The following PCDH15 variants were observed in gnomAD, a reference collection of about 807,000 sequenced individuals.
The protein encoded by PCDH15 is protocadherin related 15.
Under a neutral mutation model 178.5 loss-of-function variants are expected in PCDH15, and 129 were observed. That is an observed-to-expected ratio of 0.72 (90% CI 0.63 to 0.84). The LOEUF is 0.84. PCDH15 is among the 40% of genes least tolerant of loss of function. PCDH15 has a pLI of 0.00. For missense variants in PCDH15, 2,230 were observed against 2,099.9 expected, an observed-to-expected ratio of 1.06 and a Z score of -1.21; for synonymous variants, 800 against 732.0, an observed-to-expected ratio of 1.09 and a Z score of -1.50.
intron 2 of PCDH15, among the ~76,000 whole-genome samples, chr10:55,049,680 C>T (rs1841108831): frequency 6.6e-6 from 1 of 151,902 alleles, no homozygotes; most frequent in Non-Finnish European, 1.5e-5. Context: ...GACGTGGTGA[C>T]TGTACAGGTT....
chr10:55,309,091 C>G (rs957128145), intron 1 of PCDH15, among the ~76,000 whole-genome samples: 6 of 152,182 alleles, frequency 3.9e-5, no homozygotes, highest in Non-Finnish European at 7.4e-5. Context: ...CATATTTCAC[C>G]TTTCCAACTA....
At chr10:54,421,816 G>GTATATATATATATATATATA (rs71185272) in intron 3 of PCDH15, among the ~76,000 whole-genome samples, 3 of 107,988 alleles carry the variant, frequency 2.8e-5, no homozygotes, top group African/African-American at 1.2e-4. Flanking sequence ...TGTAGTGTGT[G>GTATATATATATATATATATA]TATATATATA....
At chr10:54,242,251 A>G (rs1035193079) in intron 8 of PCDH15, among the ~76,000 whole-genome samples, 2 of 146,112 alleles carry the variant, frequency 1.4e-5, no homozygotes, top group Non-Finnish European at 3.0e-5. Flanking sequence ...AGCAATCCCA[A>G]AAGATTAAGA....
At chr10:54,439,859 T>C (rs184632663) in intron 3 of PCDH15, among the ~76,000 whole-genome samples, 2 of 152,142 alleles carry the variant, frequency 1.3e-5, no homozygotes, top group Non-Finnish European at 2.9e-5. Context: ...ACAGTGAAAT[T>C]ATTCTGTCTG....
Position 53,885,352 on chromosome 10 carries a change from T to G in PCDH15, c.3501+17891A>C, listed in dbSNP as rs2081016793. Among the ~76,000 whole-genome samples, 3 of 152,124 alleles carry G rather than the reference T, an allele frequency of 2.0e-5. No individual in the cohort carries two copies. The South Asian group carries it at 6.2e-4, about 31-fold the overall frequency. The stretch of plus-strand genomic sequence containing the variant: ...AGTATAATATAATTTCACTCCATTT[T>G]ATGATATACTGTGGTATAAGGACCA... On this transcript the variant is annotated intron_variant, in intron 26 of 37. Transcript: ENST00000644397.
rs74985842 is a variant in PCDH15 at position 54,534,681 on chromosome 10, T to C, written c.92-6804A>G. ...AATCTATTGCTAAGTTCAAAGCAAT[T>C]TGGCACCTCATTCAAAGAAGGTACT... On this transcript the variant is annotated intron_variant, in intron 2 of 37. Transcript: ENST00000644397. 7.9e-3 allele frequency among the ~76,000 whole-genome samples: 1,206 copies of C among 152,314 alleles called. 12 individuals are homozygous for C. The highest frequency in any genetic ancestry group is 0.027 in the African/African-American group (1,129 of 41,576).
intron 21 of PCDH15, among the ~76,000 whole-genome samples, chr10:53,976,172 T>C (rs1009220800): frequency 2.0e-5 from 3 of 152,176 alleles, no homozygotes; most frequent in African/African-American, 7.2e-5. Context: ...TACTGCAGTC[T>C]TGTATTAATA....
In PCDH15 at chr10:54,369,580, A is replaced by G. The variant is rs557266831; in HGVS notation, c.319-305T>C. Among the ~76,000 whole-genome samples, 12 of 152,176 alleles carry G rather than the reference A, an allele frequency of 7.9e-5. 2 individuals carry two copies. The South Asian group carries it at 2.5e-3, about 32-fold the overall frequency. ...GATTAAACGAAGTTTGCCCCTCCAA[A>G]GATTAAAGAAGCAATAATATAAACT... On this transcript the variant is annotated intron_variant, in intron 4 of 37. Transcript: ENST00000644397.
At chr10:54,069,873 G>T (rs754639765) in intron 17 of PCDH15, among the ~76,000 whole-genome samples, 2 of 152,016 alleles carry the variant, frequency 1.3e-5, no homozygotes, top group African/African-American at 2.4e-5. Flanking sequence ...AGGACCATAT[G>T]TCATTAACAC....
chr10:54,541,503 C>T (rs1168772581), intron 2 of PCDH15, among the ~76,000 whole-genome samples: 1 of 152,026 alleles, frequency 6.6e-6, no homozygotes, highest in Non-Finnish European at 1.5e-5. Context: ...TTTTTTGATA[C>T]ATACAGTAGA....
At chr10:54,234,473 A>G (rs939781992) in intron 9 of PCDH15, among the ~76,000 whole-genome samples, 1 of 152,124 alleles carries the variant, frequency 6.6e-6, no homozygotes, top group Non-Finnish European at 1.5e-5. Flanking sequence ...GGATCGCTTG[A>G]ACCCAGGAAG....
intron 2 of PCDH15, among the ~76,000 whole-genome samples, chr10:55,042,079 G>A (rs184483942): frequency 6.6e-6 from 1 of 152,240 alleles, no homozygotes; most frequent in Non-Finnish European, 1.5e-5. Flanking sequence ...CCAGTGTGGT[G>A]AGCAAGCCTT....
At chr10:55,134,661 G>T (rs1486808102) in intron 2 of PCDH15, among the ~76,000 whole-genome samples, 1 of 152,074 alleles carries the variant, frequency 6.6e-6, no homozygotes, top group Non-Finnish European at 1.5e-5. Flanking sequence ...CTAATTAAAA[G>T]GTAGCATTAG....
intron 20 of PCDH15, among the ~76,000 whole-genome samples, chr10:54,002,573 C>A (rs969304151): frequency 3.3e-5 from 5 of 152,048 alleles, no homozygotes; most frequent in Admixed American, 3.3e-4. Context: ...GGAAATTAAA[C>A]AATACATTAC....
chr10:54,796,222 TTATCTATC>T (rs59479208), intron 1 of PCDH15, among the ~76,000 whole-genome samples: 6,417 of 125,136 alleles, frequency 0.051, 173 homozygotes, highest in African/African-American at 0.062. Flanking sequence ...TCTTTCTACA[TTATCTATC>T]TATCTATCTA....
At chr10:54,914,667 T>C (rs1362065520) in intron 2 of PCDH15, among the ~76,000 whole-genome samples, 1 of 152,082 alleles carries the variant, frequency 6.6e-6, no homozygotes, top group Non-Finnish European at 1.5e-5. Context: ...CTTTGAAAAA[T>C]GACAATAACT....
chr10:54,844,387 A>G (rs1953468684), intron 3 of PCDH15, among the ~76,000 whole-genome samples: 1 of 152,154 alleles, frequency 6.6e-6, no homozygotes, highest in South Asian at 2.1e-4. Flanking sequence ...TATTTATATA[A>G]TATCACTCTC....
chr10:54,244,764 C>A lies in PCDH15; in HGVS notation c.877-7833G>T, dbSNP rs548387722. Among the ~76,000 whole-genome samples, 19 of 152,308 alleles carry A rather than the reference C, an allele frequency of 1.2e-4. No homozygotes were observed. In the South Asian group the frequency reaches 3.9e-3, roughly 32 times the overall value. The stretch of plus-strand genomic sequence containing the variant: ...TCTGGTTATTCACCTCCCCTTCATT[C>A]CCATCGTGCACATCAAAAATCCTCC... On this transcript the variant is annotated intron_variant, in intron 8 of 37. Transcript: ENST00000644397.
intron 15 of PCDH15, among the ~76,000 whole-genome samples, chr10:54,100,300 G>T (rs540685855): frequency 6.6e-6 from 1 of 151,694 alleles, no homozygotes; most frequent in Non-Finnish European, 1.5e-5. Flanking sequence ...GGGAGGCAGA[G>T]GTTACAGTCA....
Sources: gnomAD v4.1 joint callset for allele counts (sites outside exome capture counted in the v4.1 genomes callset) on GRCh38, gnomAD v4.1.1 for gene constraint, MANE v1.5 for transcripts, NCBI Gene and HGNC (gene_info 2026-07-23, HGNC 2026-07-21) for gene names.